TRHDE: variants seen among roughly 807,000 people sequenced by gnomAD.
TRHDE encodes thyrotropin-releasing hormone-degrading ectoenzyme.
A neutral mutation model predicts 125.7 loss-of-function variants in TRHDE; 72 were observed. That is an observed-to-expected ratio of 0.57 (90% confidence interval 0.47 to 0.70). TRHDE has a LOEUF of 0.70. TRHDE is among the 30% of genes least tolerant of loss of function. The pLI is 0.00. For missense variants in TRHDE, 1,110 were observed against 1,327.1 expected (o/e 0.84, Z 2.54); for synonymous variants, 509 against 509.1 (o/e 1.00, Z 0.00).
intron 6 of TRHDE, among the ~76,000 whole-genome samples, chr12:72,505,990 T>G (rs996600383): frequency 3.9e-5 from 6 of 152,174 alleles, no homozygotes; most frequent in African/African-American, 1.4e-4. Flanking sequence ...GGAAAAAAGA[T>G]GATGCCTTTC....
chr12:72,485,086 A>G (rs1877340693), intron 5 of TRHDE, among the ~76,000 whole-genome samples: 1 of 152,126 alleles, frequency 6.6e-6, no homozygotes, highest in Non-Finnish European at 1.5e-5. Context: ...ACCACCATGG[A>G]TGCTGCAGTT....
chr12:72,418,712 TCACAC>T lies in TRHDE; in HGVS notation c.1315+40594_1315+40598del, dbSNP rs1565734038. ...TTTGCAAACATTGTTTCATTAATCC[TCACAC>T]CAATAATTGGAAAACATTATTGTCC... On this transcript the variant is annotated intron_variant, in intron 3 of 18. Transcript: ENST00000261180. Among the ~76,000 whole-genome samples the T allele has an allele frequency of 3.3e-5, 5 of 152,134 alleles. No individual in the cohort carries two copies. In the South Asian group the frequency reaches 1.0e-3, roughly 31 times the overall value.
intron 2 of TRHDE, among the ~76,000 whole-genome samples, chr12:72,138,653 T>C (rs1461434009): frequency 6.6e-6 from 1 of 152,220 alleles, no homozygotes; most frequent in Non-Finnish European, 1.5e-5. Flanking sequence ...TAACATCAGA[T>C]AATTGTGTGC....
In TRHDE at chr12:72,148,546, C is replaced by T. The variant is rs1010048864; in HGVS notation, n.279+42794C>T. On this transcript the variant is annotated intron_variant and non_coding_transcript_variant, in intron 2 of 4. Transcript: ENST00000548156. ...CAGACTATAACAGGTGGAGCAATCA[C>T]ATCTTCACAAGGAAATTAATTTATA... Among the ~76,000 whole-genome samples, 3 of 152,202 alleles carry T rather than the reference C, an allele frequency of 2.0e-5. No individual in the cohort carries two copies. The South Asian group carries it at 6.2e-4, about 31-fold the overall frequency.
At chr12:72,491,967 GCAAA>G (rs538598819) in intron 5 of TRHDE, among the ~76,000 whole-genome samples, 2 of 152,054 alleles carry the variant, frequency 1.3e-5, no homozygotes, top group Non-Finnish European at 1.5e-5. Context: ...AAAAGGTTAT[GCAAA>G]CAAACAAACT....
intron 3 of TRHDE, among the ~76,000 whole-genome samples, chr12:72,411,799 A>T (rs1309755459): frequency 1.3e-5 from 2 of 152,200 alleles, no homozygotes; most frequent in Non-Finnish European, 2.9e-5. Flanking sequence ...GGAAAAGAAC[A>T]GAGTAGAAAG....
chr12:72,276,975 C>T (rs1240333459), intron 1 of TRHDE, among the ~76,000 whole-genome samples: 3 of 152,186 alleles, frequency 2.0e-5, no homozygotes, highest in South Asian at 2.1e-4. Flanking sequence ...TGAGCGCACC[C>T]GTGTTCAAAG....
At chr12:72,653,918 T>G (rs529097069) in intron 17 of TRHDE, among the ~76,000 whole-genome samples, 35 of 152,284 alleles carry the variant, frequency 2.3e-4, no homozygotes, top group Middle Eastern at 3.4e-3. Flanking sequence ...TAAGCATACC[T>G]TCATCAGTTG....
At chr12:72,170,502 A>G (rs1292384940) in intron 2 of TRHDE, among the ~76,000 whole-genome samples, 2 of 152,132 alleles carry the variant, frequency 1.3e-5, no homozygotes, top group African/African-American at 4.8e-5. Context: ...TAATACTGAT[A>G]TGGCCCTCAT....
chr12:72,183,403 G>C (rs1184673087), intron 2 of TRHDE, among the ~76,000 whole-genome samples: 1 of 152,126 alleles, frequency 6.6e-6, no homozygotes, highest in East Asian at 1.9e-4. Flanking sequence ...TCGAACACTA[G>C]TTCATGTGTG....
At position 72,562,101 on chromosome 12, in the gene TRHDE, A is replaced by G; in HGVS notation, c.1789-64A>G. ...ACAAATGAAAATTATTAATTGAGAA[A>G]TAAATGTGTTTACTAGTTACTGTTT... is the stretch of plus-strand genomic sequence containing the variant. On this transcript the variant is annotated intron_variant, in intron 7 of 18. Transcript: ENST00000261180. The G allele has an allele frequency of 4.3e-6, 3 of 695,864 alleles. No individual in the cohort carries two copies. In the South Asian group the frequency reaches 5.6e-5, roughly 13 times the overall value. 43.1% of individuals were successfully genotyped at this position (695,864 alleles called of 1,614,324 possible).
At chr12:72,430,456 T>A (rs1874426144) in intron 3 of TRHDE, among the ~76,000 whole-genome samples, 2 of 149,336 alleles carry the variant, frequency 1.3e-5, no homozygotes, top group South Asian at 4.2e-4. Context: ...TATATATATG[T>A]GTATATATAT....
At chr12:72,516,718 G>C (rs1197304930) in intron 6 of TRHDE, among the ~76,000 whole-genome samples, 2 of 150,790 alleles carry the variant, frequency 1.3e-5, no homozygotes, top group African/African-American at 2.4e-5. Context: ...TCCCTGTCTT[G>C]TGCCAGTTTT....
In TRHDE at chr12:72,124,952, A is replaced by G. The variant is rs563887244; in HGVS notation, n.279+19200A>G. On this transcript the variant is annotated intron_variant and non_coding_transcript_variant, in intron 2 of 4. Transcript: ENST00000548156. ...TAAAGTTACTGTAACAAAAGATATG[A>G]ACTTTTTTCTTTTAAAGTTTTAGGT... Among the ~76,000 whole-genome samples, 64 of 152,300 alleles carry G rather than the reference A, an allele frequency of 4.2e-4. No homozygotes were observed. The Middle Eastern group carries it at 0.014, about 32-fold the overall frequency.
Position 72,092,851 on chromosome 12 carries a change from G to T in TRHDE, n.174+5412G>T, listed in dbSNP as rs970453710. On this transcript the variant is annotated intron_variant and non_coding_transcript_variant, in intron 1 of 4. Transcript: ENST00000548156. ...ATTCTTTTAAAGTCACAACTTACAT[G>T]TATTATCAGTTTCCAAACCTCAGAA... Among the ~76,000 whole-genome samples the T allele has an allele frequency of 3.9e-5, 6 of 152,142 alleles. No individual in the cohort carries two copies. The East Asian group carries it at 1.2e-3, about 29-fold the overall frequency.
rs527524011 is a variant in TRHDE at position 72,434,199 on chromosome 12, A to G, written c.1316-35559A>G. On this transcript the variant is annotated intron_variant, in intron 3 of 18. Coordinates refer to ENST00000261180, the MANE Select transcript of TRHDE (RefSeq NM_013381.3). ...CAGGAGTTCAAGAGCAGCCTGGCCA[A>G]CATAGTGAAACCCTGTCTCTACTAA... Among the ~76,000 whole-genome samples, 29 of 152,144 alleles carry G rather than the reference A, an allele frequency of 1.9e-4. 1 individual carries two copies. The South Asian group carries it at 5.0e-3, about 26-fold the overall frequency.
intron 6 of TRHDE, among the ~76,000 whole-genome samples, chr12:72,516,487 T>G (rs1442650418): frequency 6.6e-6 from 1 of 152,138 alleles, no homozygotes; most frequent in Non-Finnish European, 1.5e-5. Flanking sequence ...TTTTTGTACA[T>G]TGATTTTGTA....
intron 2 of TRHDE, 132 bp downstream of exon 2, chr12:72,287,086 TGG>T: frequency 1.0e-6 from 1 of 992,970 alleles, no homozygotes; most frequent in Non-Finnish European, 1.4e-6. Flanking sequence ...TTAATTCTTA[TGG>T]GGGGGTTTTT....
At chr12:72,529,073 T>G (rs1868410389) in intron 6 of TRHDE, among the ~76,000 whole-genome samples, 1 of 152,044 alleles carries the variant, frequency 6.6e-6, no homozygotes, top group Admixed American at 6.6e-5. Context: ...TAATTTTATT[T>G]TAAATAAAAA....
Sources: gnomAD v4.1 joint callset for allele counts (sites outside exome capture counted in the v4.1 genomes callset) on GRCh38, gnomAD v4.1.1 for gene constraint, MANE v1.5 for transcripts, NCBI Gene and HGNC (gene_info 2026-07-23, HGNC 2026-07-21) for gene names.